PDXDC1: variants seen among roughly 807,000 people sequenced by gnomAD.
PDXDC1 encodes the protein pyridoxal dependent decarboxylase domain containing 1.
In PDXDC1, 42 loss-of-function variants were observed where a neutral mutation model predicts 100.1. The ratio of observed to expected loss-of-function variants is 0.42; its 90% CI spans 0.33 to 0.54. The LOEUF is 0.54. Among genes scored for constraint, PDXDC1 ranks in the 20% least tolerant of loss-of-function variants. The pLI is 0.10. For synonymous variants in PDXDC1, 260 were observed against 371.7 expected, an observed-to-expected ratio of 0.70 and a Z score of 3.46; for missense variants, 636 against 979.2, an observed-to-expected ratio of 0.65 and a Z score of 4.68.
intron 21 of PDXDC1, among the ~76,000 whole-genome samples, 156 bp downstream of exon 21, chr16:15,034,709 G>A (rs1439081623): frequency 6.6e-6 from 1 of 152,034 alleles, no homozygotes; most frequent in Non-Finnish European, 1.5e-5. Context: ...GTTCTGGTGT[G>A]CCCTGTCCTC....
chr16:14,998,154 A>G (rs1386602277), intron 2 of PDXDC1, among the ~76,000 whole-genome samples, 186 bp from the exon 3 acceptor site: 1 of 152,266 alleles, frequency 6.6e-6, no homozygotes, highest in Non-Finnish European at 1.5e-5. Flanking sequence ...TTTGTTGCAT[A>G]TTCTTGTCTT....
Position 15,034,334 on chromosome 16 carries a change from C to G in PDXDC1, c.1861C>G (p.Gln621Glu). 1 of 1,613,450 alleles carries G rather than the reference C, an allele frequency of 6.2e-7. No individual in the cohort carries two copies. Among genetic ancestry groups the G allele is most frequent in the African/African-American group, 1.3e-5 (1 of 75,020 alleles). The change falls in exon 20 of 23, where the codon CAA (glutamine) becomes GAA (glutamate). Residue 621 changes from glutamine to glutamate, a missense_variant. Gln to Glu is a conservative substitution (Grantham distance 29). Transcript: ENST00000396410. ...EVVRKGIQEA[Q>E]VELQKASEER... ...GGTTCGGAAAGGCATTCAGGAAGCT[C>G]AAGTGGAGCTGCAGAAGGCAAGTGA...
chr16:15,128,734 C>G (rs2047896136), intron 16 of PDXDC1, among the ~76,000 whole-genome samples: 1 of 152,140 alleles, frequency 6.6e-6, no homozygotes, highest in South Asian at 2.1e-4. Context: ...ACACCCGTCC[C>G]TCAGTTCATG....
intron 16 of PDXDC1, among the ~76,000 whole-genome samples, chr16:15,069,065 A>G (rs1358151644): frequency 5.9e-5 from 9 of 152,248 alleles, no homozygotes; most frequent in Non-Finnish European, 1.2e-4. Flanking sequence ...CTACTAGTTC[A>G]TACAACATCT....
At chr16:15,093,361 A>C (rs1454145775) in intron 16 of PDXDC1, among the ~76,000 whole-genome samples, 2 of 152,158 alleles carry the variant, frequency 1.3e-5, no homozygotes, top group Admixed American at 6.6e-5. Context: ...CCCAATGAGA[A>C]ATCTCAAAAG....
Position 15,131,509 on chromosome 16 carries a change from C to A in PDXDC1, c.1400-7370C>A, listed in dbSNP as rs895251260. On this transcript the variant is annotated intron_variant, in intron 16 of 16. Transcript: ENST00000535621. Reference sequence around the variant, plus strand: ...GCACAGCAGGCTCCGCGGGTCCGAGCGCTTGCCCTGGGCCACGATCTCCTC... The same window carrying A: ...GCACAGCAGGCTCCGCGGGTCCGAGAGCTTGCCCTGGGCCACGATCTCCTC... 6.8e-6 allele frequency: 11 copies of A among 1,608,016 alleles called. No individual in the cohort carries two copies. The African/African-American group carries it at 1.3e-4, about 20-fold the overall frequency.
chr16:15,005,043 T>C (rs1203244347), intron 5 of PDXDC1, among the ~76,000 whole-genome samples: 1 of 152,274 alleles, frequency 6.6e-6, no homozygotes, highest in African/African-American at 2.4e-5. Flanking sequence ...TTTGAAAATA[T>C]TAGCTTGTGT....
intron 1 of PDXDC1, among the ~76,000 whole-genome samples, chr16:14,991,489 T>C (rs565350674): frequency 1.4e-5 from 2 of 147,786 alleles, no homozygotes; most frequent in East Asian, 4.0e-4. Context: ...TTTGCAGATA[T>C]GGGGTTTTGT....
intron 16 of PDXDC1, among the ~76,000 whole-genome samples, chr16:15,069,606 G>A (rs1304456842): frequency 6.6e-6 from 1 of 152,164 alleles, no homozygotes; most frequent in Admixed American, 6.5e-5. Flanking sequence ...AGCCAAACCT[G>A]GCTTCAGTTT....
intron 1 of PDXDC1, among the ~76,000 whole-genome samples, chr16:14,979,101 C>T (rs1047622128): frequency 2.0e-5 from 3 of 152,304 alleles, no homozygotes; most frequent in African/African-American, 4.8e-5. Context: ...TTGGTCACCA[C>T]TAGCCATATT....
intron 16 of PDXDC1, chr16:15,127,085 G>C: frequency 2.8e-6 from 1 of 354,818 alleles, no homozygotes; most frequent in Non-Finnish European, 5.6e-6. Flanking sequence ...ACCACACCCG[G>C]CCCGGCCACT....
In PDXDC1 at chr16:15,055,954, C is replaced by G. The variant is rs1327269932; in HGVS notation, c.1399+25898C>G. ...ACTGCGGCAGCCGCACTCGCCGCCC[C>G]TCGACGAGCAGCGGCATCGCGGAGG... On this transcript the variant is annotated intron_variant, in intron 16 of 16. Coordinates refer to the PDXDC1 transcript ENST00000535621. The G allele has an allele frequency of 5.7e-6, 7 of 1,229,782 alleles. No homozygotes were observed. In the East Asian group the frequency reaches 9.5e-5, roughly 17 times the overall value. The allele number at this position is 1,229,782 out of a possible 1,614,324, so 76.2% of individuals were successfully genotyped here.
chr16:14,986,212 C>A (rs1378820021), intron 1 of PDXDC1, among the ~76,000 whole-genome samples: 1 of 151,994 alleles, frequency 6.6e-6, no homozygotes, highest in Non-Finnish European at 1.5e-5. Context: ...GAGGCTCACG[C>A]CTGTAATCCC....
intron 1 of PDXDC1, among the ~76,000 whole-genome samples, chr16:14,980,744 C>T (rs1390081270): frequency 1.3e-5 from 2 of 152,272 alleles, no homozygotes; most frequent in African/African-American, 2.4e-5. Flanking sequence ...GGATTACAGG[C>T]ATGAGCCACC....
At chr16:15,041,420 G>A (rs946027855), downstream of PDXDC1, among the ~76,000 whole-genome samples, 12 of 152,104 alleles carry the variant, frequency 7.9e-5, no homozygotes, top group African/African-American at 2.9e-4. Flanking sequence ...GGTAGACGAG[G>A]GGGCTGCACT....
At chr16:15,052,811 C>T (rs1328416895) in intron 16 of PDXDC1, among the ~76,000 whole-genome samples, 1 of 151,686 alleles carries the variant, frequency 6.6e-6, no homozygotes, top group Non-Finnish European at 1.5e-5. Flanking sequence ...GGTGACAGAG[C>T]AAGGCTCTGT....
intron 16 of PDXDC1, chr16:15,073,015 G>A (rs761752259): frequency 3.3e-5 from 53 of 1,613,302 alleles, no homozygotes; most frequent in Non-Finnish European, 4.2e-5. Context: ...GTGGGCAACA[G>A]GAGTTTGTCA....
At chr16:15,143,784 C>G (rs902397153), downstream of PDXDC1, among the ~76,000 whole-genome samples, 9 of 152,224 alleles carry the variant, frequency 5.9e-5, no homozygotes, top group Admixed American at 3.3e-4. Context: ...ACCAGACCTG[C>G]CTCAGAGCCT....
chr16:15,010,127 A>G (rs1358972939), intron 8 of PDXDC1, among the ~76,000 whole-genome samples: 1 of 152,400 alleles, frequency 6.6e-6, no homozygotes, highest in East Asian at 1.9e-4. Flanking sequence ...CCTCACTGCA[A>G]TCTCTGCCTC....
Sources: allele counts gnomAD v4.1 joint callset (sites outside exome capture counted in the v4.1 genomes callset), GRCh38; gene constraint gnomAD v4.1.1; transcripts MANE v1.5; gene names NCBI Gene and HGNC (gene_info 2026-07-23, HGNC 2026-07-21).